The following ACOXL variants were observed in gnomAD, a reference collection of about 807,000 sequenced individuals.
ACOXL encodes the protein acyl-coenzyme A oxidase-like protein.
A neutral mutation model predicts 71.9 loss-of-function variants in ACOXL; 70 were observed. That is an observed-to-expected ratio of 0.97 (90% CI 0.80 to 1.19). ACOXL has a LOEUF of 1.19. Ranked by LOEUF, ACOXL falls within the 50% of genes most tolerant of loss-of-function variation. The pLI is 0.00. For missense variants in ACOXL, 703 were observed against 736.3 expected (o/e 0.95, Z 0.52); for synonymous variants, 253 against 281.6 (o/e 0.90, Z 1.02).
At chr2:110,785,511 A>G (rs542319925) in intron 3 of ACOXL, among the ~76,000 whole-genome samples, 6 of 151,936 alleles carry the variant, frequency 3.9e-5, no homozygotes, top group Admixed American at 6.6e-5. Context: ...CGGAAGTTTC[A>G]TTTGGCCTCC....
intron 11 of ACOXL, among the ~76,000 whole-genome samples, chr2:110,929,975 C>T (rs2060419698): frequency 1.3e-5 from 2 of 152,192 alleles, no homozygotes; most frequent in Admixed American, 1.3e-4. Flanking sequence ...TCATGGAGAA[C>T]CTTTGCTAGG....
intron 2 of ACOXL, among the ~76,000 whole-genome samples, 155 bp from the exon 3 acceptor site, chr2:110,784,577 T>C (rs560011004): frequency 6.6e-6 from 1 of 152,268 alleles, no homozygotes; most frequent in East Asian, 1.9e-4. Context: ...ACATTTACTT[T>C]AGTAGAATGA....
chr2:110,827,336 G>A (rs1307760427), intron 9 of ACOXL, among the ~76,000 whole-genome samples: 1 of 152,186 alleles, frequency 6.6e-6, no homozygotes, highest in African/African-American at 2.4e-5. Context: ...TGGTTTCTAG[G>A]ATGAAGAGGA....
At chr2:110,758,901 A>T (rs192216727) in intron 1 of ACOXL, among the ~76,000 whole-genome samples, 2 of 152,258 alleles carry the variant, frequency 1.3e-5, no homozygotes, top group East Asian at 3.9e-4. Context: ...GTTTCAAAGA[A>T]CTTCTTGATT....
Position 110,864,650 on chromosome 2 carries a change from G to A in ACOXL, c.788+23245G>A, listed in dbSNP as rs559574678. On this transcript the variant is annotated intron_variant, in intron 10 of 17. Transcript: ENST00000439055. ...AATGCTCCCTCATTTTAGCCATGAC[G>A]GTCTCTCCCAAGAAGAGAGAGCATT... Among the ~76,000 whole-genome samples the A allele has an allele frequency of 5.3e-5, 8 of 152,278 alleles. No homozygotes were observed. The South Asian group carries it at 1.5e-3, about 28-fold the overall frequency.
At chr2:111,028,332 A>G (rs2065109169) in intron 14 of ACOXL, among the ~76,000 whole-genome samples, 1 of 151,774 alleles carries the variant, frequency 6.6e-6, no homozygotes, top group Non-Finnish European at 1.5e-5. Flanking sequence ...CACCCAGGCT[A>G]GAGTGCAATG....
At chr2:111,010,665 AAAAAT>A (rs1202869242) in intron 14 of ACOXL, among the ~76,000 whole-genome samples, 1 of 152,172 alleles carries the variant, frequency 6.6e-6, no homozygotes, top group Non-Finnish European at 1.5e-5. Flanking sequence ...GCTGAAAACT[AAAAAT>A]AAAGAATAAA....
At chr2:110,933,751 A>C (rs2149342583) in intron 12 of ACOXL, 109 bp downstream of exon 12, 2 of 1,337,192 alleles carry the variant, frequency 1.5e-6, no homozygotes, top group Non-Finnish European at 2.0e-6. Flanking sequence ...AGAAATCCCA[A>C]CTGCCCATGA....
chr2:110,860,702 C>G (rs929106780), intron 10 of ACOXL, among the ~76,000 whole-genome samples: 1 of 152,164 alleles, frequency 6.6e-6, no homozygotes, highest in Non-Finnish European at 1.5e-5. Context: ...AGAACTCTAT[C>G]CAGATCTTCA....
chr2:110,945,166 T>C (rs759155350), intron 12 of ACOXL, among the ~76,000 whole-genome samples: 2 of 152,246 alleles, frequency 1.3e-5, no homozygotes, highest in Non-Finnish European at 2.9e-5. Flanking sequence ...TGTCTGTTCA[T>C]GTCCTTTGCC....
intron 14 of ACOXL, among the ~76,000 whole-genome samples, chr2:111,001,530 G>T (rs1370520298): frequency 6.6e-6 from 1 of 152,222 alleles, no homozygotes; most frequent in Non-Finnish European, 1.5e-5. Flanking sequence ...AACCACCTGG[G>T]TGTGCATAGG....
rs1350174334 is a variant in ACOXL, at chr2:110,798,684, A to G, written c.420A>G (p.Ala140=). 1 of 1,614,202 alleles carries G rather than the reference A, an allele frequency of 6.2e-7. No homozygotes were observed. Among genetic ancestry groups the G allele is most frequent in the African/African-American group, 1.3e-5 (1 of 75,056 alleles). ...GAAATGCCATGTACGGGAATTATGCAGCTGTCTTTGCCCAGCTCATCATAG... is the reference window on the plus strand; with the variant it reads ...GAAATGCCATGTACGGGAATTATGCGGCTGTCTTTGCCCAGCTCATCATAG... ...YIGNAMYGNY[A]AVFAQLIIDG... The change falls in exon 6 of 18, where the codon GCA becomes GCG. Residue 140 remains alanine (A), a synonymous_variant. Transcript: ENST00000439055.
chr2:110,910,470 C>T (rs1313298932), intron 11 of ACOXL, among the ~76,000 whole-genome samples: 3 of 152,098 alleles, frequency 2.0e-5, no homozygotes, highest in Non-Finnish European at 2.9e-5. Flanking sequence ...GAATAAATAC[C>T]TAGAGAGGAC....
At chr2:111,083,265 G>GTTTCTTCAT (rs759560817) in intron 16 of ACOXL, among the ~76,000 whole-genome samples, 48 of 152,190 alleles carry the variant, frequency 3.2e-4, no homozygotes, top group Non-Finnish European at 6.0e-4. Context: ...GTAAAAAGGG[G>GTTTCTTCAT]GCTGTGTCAG....
chr2:111,114,012 CAAGT>C (rs2070165673), intron 17 of ACOXL: 1 of 152,614 alleles, frequency 6.6e-6, no homozygotes, highest in Non-Finnish European at 1.5e-5. Context: ...TTCCTTATAG[CAAGT>C]AAGTTTATTT....
At chr2:111,077,534 T>C (rs2149957409) in intron 16 of ACOXL, among the ~76,000 whole-genome samples, 1 of 152,368 alleles carries the variant, frequency 6.6e-6, no homozygotes, top group African/African-American at 2.4e-5. Context: ...TCGTTCCTGA[T>C]TGGTATTTAC....
chr2:111,056,604 C>T (rs910847334), intron 16 of ACOXL, among the ~76,000 whole-genome samples: 6 of 151,798 alleles, frequency 4.0e-5, no homozygotes, highest in Non-Finnish European at 7.4e-5. Flanking sequence ...CTGGCTAACA[C>T]GGTGAAACCC....
At chr2:110,989,773 GTGGCT>G (rs2063095605) in intron 13 of ACOXL, among the ~76,000 whole-genome samples, 1 of 152,202 alleles carries the variant, frequency 6.6e-6, no homozygotes, top group South Asian at 2.1e-4. Flanking sequence ...GCTGGGCACA[GTGGCT>G]TATGCGTGTA....
At chr2:110,979,559 G>T (rs549799742) in intron 12 of ACOXL, among the ~76,000 whole-genome samples, 1 of 152,294 alleles carries the variant, frequency 6.6e-6, no homozygotes, top group East Asian at 1.9e-4. Context: ...CCAGCTGCCT[G>T]CAGGAGTGGT....
Sources: gnomAD v4.1 joint callset for allele counts (sites outside exome capture counted in the v4.1 genomes callset) on GRCh38, gnomAD v4.1.1 for gene constraint, MANE v1.5 for transcripts, NCBI Gene and HGNC (gene_info 2026-07-23, HGNC 2026-07-21) for gene names.